COPA: variants seen among roughly 807,000 people sequenced by gnomAD.
COPA encodes coatomer subunit alpha.
Under a neutral mutation model 158.7 loss-of-function variants are expected in COPA, and 10 were observed. The ratio of observed to expected loss-of-function variants is 0.06; its 90% CI spans 0.04 to 0.11. COPA has a LOEUF of 0.11. COPA is among the 10% of genes least tolerant of loss of function. The pLI is 1.00. For synonymous variants in COPA, 462 were observed against 542.8 expected (o/e 0.85, Z 2.07); for missense variants, 1,065 against 1,536.7 (o/e 0.69, Z 5.13).
intron 4 of COPA, 94 bp downstream of exon 4, chr1:160,335,148 T>G (rs1214074158): frequency 1.8e-6 from 2 of 1,141,464 alleles, no homozygotes; most frequent in Non-Finnish European, 1.2e-6. Flanking sequence ...CAAAAACAAC[T>G]CTATTATTAA....
intron 8 of COPA, among the ~76,000 whole-genome samples, chr1:160,322,748 A>ATAGTCAC: frequency 6.6e-6 from 1 of 152,342 alleles, no homozygotes; most frequent in Non-Finnish European, 1.5e-5. Context: ...GTGGGAATGT[A>ATAGTCAC]AATTAGTATA....
intron 25 of COPA, 30 bp downstream of exon 25, chr1:160,294,454 G>T (rs1658336221): frequency 6.3e-7 from 1 of 1,593,576 alleles, no homozygotes; most frequent in Non-Finnish European, 8.6e-7. Flanking sequence ...GATACGGAGA[G>T]AACCTTCTAA....
intron 8 of COPA, among the ~76,000 whole-genome samples, chr1:160,316,750 CAAA>C (rs550170815): frequency 2.2e-5 from 2 of 92,362 alleles, no homozygotes; most frequent in Non-Finnish European, 2.4e-5. Context: ...AATTCTGTCT[CAAA>C]AAAAAAAAAA....
chr1:160,298,828 G>T lies in COPA; in HGVS notation c.1977+17C>A. On this transcript the variant is annotated intron_variant, in intron 19 of 32. Coordinates refer to ENST00000241704, the MANE Select transcript of COPA (RefSeq NM_004371.4). ...ACCTCTAAGACAATATGGGGCTGAT[G>T]ACCATATTCCTCTCACCTCAATGTT... 1 of 1,613,792 alleles carries T rather than the reference G, an allele frequency of 6.2e-7. No homozygotes were observed. Among genetic ancestry groups the T allele is most frequent in the South Asian group, 1.1e-5 (1 of 90,990 alleles).
At chr1:160,338,776 G>A (rs758332296) in intron 3 of COPA, among the ~76,000 whole-genome samples, 6 of 151,842 alleles carry the variant, frequency 4.0e-5, no homozygotes, top group African/African-American at 1.2e-4. Flanking sequence ...GGTTCATCTC[G>A]AACCCCTCGA....
chr1:160,303,653 CCT>C (rs748747562), intron 17 of COPA, among the ~76,000 whole-genome samples: 1 of 151,992 alleles, frequency 6.6e-6, no homozygotes, highest in Non-Finnish European at 1.5e-5. Flanking sequence ...TAGGATGAAA[CCT>C]AATATCCATA....
At chr1:160,304,516 T>C (rs1391687359) in intron 17 of COPA, among the ~76,000 whole-genome samples, 2 of 151,574 alleles carry the variant, frequency 1.3e-5, no homozygotes, top group African/African-American at 4.8e-5. Context: ...ATACAAAAAT[T>C]AGCTGGGTGT....
In COPA at chr1:160,297,626, G is replaced by T. The variant is rs764761582; in HGVS notation, c.2097C>A (p.Asn699Lys). 6.2e-7 allele frequency: 1 copy of T among 1,614,194 alleles called. No individual in the cohort carries two copies. Among genetic ancestry groups the T allele is most frequent in the East Asian group, 2.2e-5 (1 of 44,882 alleles). Residue 699 changes from asparagine to lysine, a missense_variant, in exon 20 of 33, where the codon AAC becomes AAA. Around this residue, in one of 2 missense-constraint regions of COPA, gnomAD observed 980 missense variants for 1,357.8 expected, o/e 0.72. Coordinates refer to ENST00000241704, the MANE Select transcript of COPA (RefSeq NM_004371.4). ...GATACAGGAAGGAAAGTTTGTCAAA[G>T]TTTTTGGTACGCTGATAGCACATTT... is the stretch of plus-strand genomic sequence containing the variant. ...IVEMCYQRTK[N>K]FDKLSFLYLI... is the part of the protein sequence containing the mutation.
At chr1:160,290,739 A>C in intron 31 of COPA, 53 bp from the exon 32 acceptor site, 133 of 1,533,900 alleles carry the variant, frequency 8.7e-5, no homozygotes, top group Non-Finnish European at 1.1e-4. Context: ...ACAACACCTC[A>C]AAGGATCCCA....
chr1:160,315,594 C>A (rs1160822460), intron 8 of COPA, among the ~76,000 whole-genome samples: 1 of 152,104 alleles, frequency 6.6e-6, no homozygotes, highest in Non-Finnish European at 1.5e-5. Context: ...TCACCTAAAG[C>A]CAAAGAGGAG....
chr1:160,317,559 A>G (rs1659188574), intron 8 of COPA: 1 of 1,604,804 alleles, frequency 6.2e-7, no homozygotes, highest in East Asian at 2.2e-5. Flanking sequence ...CATACTGTCA[A>G]AGACAGGGCG....
intron 4 of COPA, among the ~76,000 whole-genome samples, chr1:160,334,275 G>C (rs572074220): frequency 6.6e-6 from 1 of 152,138 alleles, no homozygotes; most frequent in African/African-American, 2.4e-5. Flanking sequence ...ATTTTCAATA[G>C]AGATAGTATC....
intron 3 of COPA, among the ~76,000 whole-genome samples, chr1:160,335,679 C>G (rs963750852): frequency 4.0e-5 from 6 of 150,898 alleles, no homozygotes; most frequent in Non-Finnish European, 5.9e-5. Context: ...GTCAGGAGAT[C>G]GAGACCATCC....
intron 23 of COPA, among the ~76,000 whole-genome samples, chr1:160,295,420 G>C (rs1413713818): frequency 6.6e-6 from 1 of 152,214 alleles, no homozygotes; most frequent in Non-Finnish European, 1.5e-5. Flanking sequence ...TGTATGTCAT[G>C]AATGATAAAA....
intron 25 of COPA, 95 bp from the exon 26 acceptor site, chr1:160,293,558 G>C: frequency 1.0e-6 from 1 of 960,468 alleles, no homozygotes; most frequent in Non-Finnish European, 1.5e-6. Flanking sequence ...ACAGAGGCAT[G>C]ATCTCGGCAC....
chr1:160,291,389 G>A lies in COPA; in HGVS notation c.3366C>T (p.Ala1122=). The A allele has an allele frequency of 6.2e-7, 1 of 1,614,092 alleles. No individual in the cohort carries two copies. Among genetic ancestry groups the A allele is most frequent in the Non-Finnish European group, 8.5e-7 (1 of 1,179,984 alleles). ...GTTCTAGTAGGCGCCGAGCAAAGGT[G>A]GCAGCTGTCTTGAAGTTCTTGAGCT... ...FFKLKNFKTA[A]TFARRLLELG... The change falls in exon 31 of 33, where the codon GCC becomes GCT. Residue 1122 remains alanine (A), a synonymous_variant. Coordinates refer to ENST00000241704, the MANE Select transcript of COPA (RefSeq NM_004371.4).
intron 17 of COPA, among the ~76,000 whole-genome samples, chr1:160,299,742 GAAGA>G (rs1477029042): frequency 6.6e-6 from 1 of 152,172 alleles, no homozygotes; most frequent in Non-Finnish European, 1.5e-5. Flanking sequence ...GACTGCATTA[GAAGA>G]AATATTAAAA....
At chr1:160,333,323 A>G in intron 5 of COPA, 1 of 316,218 alleles carries the variant, frequency 3.2e-6, no homozygotes, top group Non-Finnish European at 5.9e-6. Flanking sequence ...ACCTTGACTC[A>G]GGTTTTATGG....
intron 3 of COPA, 40 bp from the exon 4 acceptor site, chr1:160,335,362 T>C (rs1460375386): frequency 6.4e-7 from 1 of 1,558,830 alleles, no homozygotes; most frequent in African/African-American, 1.4e-5. Flanking sequence ...AAATAGTTAT[T>C]GAGCCTCTAA....
Sources: allele counts gnomAD v4.1 joint callset (sites outside exome capture counted in the v4.1 genomes callset), GRCh38; gene constraint gnomAD v4.1.1; regional missense constraint gnomAD v4.1.1; transcripts MANE v1.5; gene names NCBI Gene and HGNC (gene_info 2026-07-23, HGNC 2026-07-21).